PYGO1: variants seen among roughly 807,000 people sequenced by gnomAD.
PYGO1 encodes pygopus homolog 1.
PYGO1 carries 6 observed loss-of-function variants against 29.5 expected under a neutral mutation model. The observed-to-expected ratio is 0.20, with a 90% CI of 0.11 to 0.40. The LOEUF is 0.40. Ranked by LOEUF, PYGO1 falls within the 10% of genes least tolerant of loss-of-function variation. The pLI, the probability that PYGO1 is intolerant of heterozygous loss-of-function variation, is 1.00. For missense variants in PYGO1, 515 were observed against 514.9 expected, an observed-to-expected ratio of 1.00 and a Z score of 0.00; for synonymous variants, 186 against 180.5, an observed-to-expected ratio of 1.03 and a Z score of -0.24.
chr15:55,549,691 T>C (rs1192481684), intron 1 of PYGO1, among the ~76,000 whole-genome samples: 1 of 152,212 alleles, frequency 6.6e-6, no homozygotes, highest in Non-Finnish European at 1.5e-5. Flanking sequence ...CAACAATGTT[T>C]CCAAATATTG....
intron 1 of PYGO1, among the ~76,000 whole-genome samples, chr15:55,554,564 A>G (rs2058895379): frequency 6.6e-6 from 1 of 152,018 alleles, no homozygotes; most frequent in Admixed American, 6.6e-5. Flanking sequence ...GTCAGTAATA[A>G]TCAATTTCAC....
intron 1 of PYGO1, among the ~76,000 whole-genome samples, chr15:55,583,223 T>C (rs1023851705): frequency 2.6e-5 from 4 of 152,320 alleles, no homozygotes; most frequent in Non-Finnish European, 5.9e-5. Flanking sequence ...ACTGGAATGA[T>C]TGTATAGCAC....
At chr15:55,562,625 C>T (rs1053212926) in intron 1 of PYGO1, among the ~76,000 whole-genome samples, 4 of 151,438 alleles carry the variant, frequency 2.6e-5, no homozygotes, top group Non-Finnish European at 4.4e-5. Context: ...AAGCTGAGAT[C>T]ACGCCATTAC....
At chr15:55,587,778 G>C (rs1444283545) in intron 1 of PYGO1, 57 bp downstream of exon 1, 2 of 1,455,222 alleles carry the variant, frequency 1.4e-6, no homozygotes, top group Non-Finnish European at 1.8e-6. Context: ...GCCGGGCACG[G>C]GGCCCCGCGC....
intron 1 of PYGO1, among the ~76,000 whole-genome samples, chr15:55,552,605 G>T (rs543832244): frequency 6.6e-6 from 1 of 152,054 alleles, no homozygotes; most frequent in East Asian, 1.9e-4. Flanking sequence ...AGCAGTGAGT[G>T]ATTGTGTGAC....
At chr15:55,585,199 A>G (rs1567061588) in intron 1 of PYGO1, among the ~76,000 whole-genome samples, 1 of 152,202 alleles carries the variant, frequency 6.6e-6, no homozygotes, top group East Asian at 1.9e-4. Flanking sequence ...TTAAATTGCT[A>G]TATGTGTGTA....
chr15:55,576,836 C>A (rs992751466), intron 1 of PYGO1, among the ~76,000 whole-genome samples: 3 of 146,994 alleles, frequency 2.0e-5, no homozygotes, highest in African/African-American at 7.5e-5. Flanking sequence ...CTGTTGGATA[C>A]AACATCCATG....
chr15:55,576,164 T>C (rs992385127), intron 1 of PYGO1, among the ~76,000 whole-genome samples: 80 of 152,090 alleles, frequency 5.3e-4, no homozygotes, highest in Non-Finnish European at 9.4e-4. Context: ...CTTGTTAATT[T>C]AAAAAAGAGA....
At chr15:55,565,533 A>G (rs10083592) in intron 1 of PYGO1, among the ~76,000 whole-genome samples, 142,922 of 151,238 alleles carry the variant, frequency 0.95, 67,650 homozygotes, top group Admixed American at 0.97. Flanking sequence ...GTGAAACCCC[A>G]TCTCTACTAA....
intron 1 of PYGO1, among the ~76,000 whole-genome samples, chr15:55,567,235 G>C: frequency 2.3e-5 from 1 of 43,468 alleles, no homozygotes; most frequent in South Asian, 8.0e-4. Context: ...TTGAGACAGG[G>C]TCTGGCTCTA....
intron 1 of PYGO1, among the ~76,000 whole-genome samples, chr15:55,564,978 C>A (rs1356704452): frequency 6.6e-6 from 1 of 152,164 alleles, no homozygotes; most frequent in Non-Finnish European, 1.5e-5. Flanking sequence ...CTCCTAGAGA[C>A]CACCCACATT....
intron 1 of PYGO1, among the ~76,000 whole-genome samples, chr15:55,581,903 T>C (rs950020356): frequency 2.0e-5 from 3 of 152,022 alleles, no homozygotes; most frequent in African/African-American, 2.4e-5. Flanking sequence ...AAGAAGTCAA[T>C]GGGTTCAAAA....
chr15:55,570,712 T>TA (rs1400513288), intron 1 of PYGO1, among the ~76,000 whole-genome samples: 1 of 152,170 alleles, frequency 6.6e-6, no homozygotes, highest in Non-Finnish European at 1.5e-5. Context: ...TCCAGAATTT[T>TA]AAAAAATAAT....
Position 55,578,435 on chromosome 15 carries a change from A to G in PYGO1, c.49+9400T>C, listed in dbSNP as rs79827303. 3.7e-3 allele frequency among the ~76,000 whole-genome samples: 568 copies of G among 152,194 alleles called. 17 individuals carry two copies. In the East Asian group the frequency reaches 0.056, roughly 15 times the overall value. On this transcript the variant is annotated intron_variant, in intron 1 of 2. Coordinates refer to ENST00000563719, the MANE Select transcript of PYGO1 (RefSeq NM_001367806.1). Reference sequence around the variant, plus strand: ...ATGTTTAACTCTGAGAAACTGCCAAACTGTTTTCCACAGTGGCTACATCAT... The same window carrying G: ...ATGTTTAACTCTGAGAAACTGCCAAGCTGTTTTCCACAGTGGCTACATCAT...
At chr15:55,587,066 A>G (rs973657002) in intron 1 of PYGO1, among the ~76,000 whole-genome samples, 6 of 152,226 alleles carry the variant, frequency 3.9e-5, no homozygotes, top group Admixed American at 2.0e-4. Context: ...CCAACTCTAG[A>G]ACTTTCAGTC....
intron 1 of PYGO1, among the ~76,000 whole-genome samples, chr15:55,552,993 A>G (rs1423420641): frequency 6.6e-6 from 1 of 152,122 alleles, no homozygotes; most frequent in East Asian, 1.9e-4. Flanking sequence ...GCTGAGACAG[A>G]GCAAGTTCCT....
At chr15:55,575,097 C>T (rs1305163836) in intron 1 of PYGO1, among the ~76,000 whole-genome samples, 1 of 152,168 alleles carries the variant, frequency 6.6e-6, no homozygotes, top group Non-Finnish European at 1.5e-5. Context: ...AACTAACTTG[C>T]CCAAGGTCAC....
chr15:55,573,849 TAGAGA>T (rs2058990104), intron 1 of PYGO1, among the ~76,000 whole-genome samples: 1 of 152,214 alleles, frequency 6.6e-6, no homozygotes, highest in African/African-American at 2.4e-5. Flanking sequence ...TAAAGTAGGC[TAGAGA>T]AAAGATATAA....
chr15:55,565,185 C>T (rs1376234130), intron 1 of PYGO1, among the ~76,000 whole-genome samples: 5 of 151,996 alleles, frequency 3.3e-5, no homozygotes, highest in Non-Finnish European at 5.9e-5. Flanking sequence ...GAGGGATTAA[C>T]ATTCATGAAA....
Sources: allele counts gnomAD v4.1 joint callset (sites outside exome capture counted in the v4.1 genomes callset), GRCh38; gene constraint gnomAD v4.1.1; transcripts MANE v1.5; gene names NCBI Gene and HGNC (gene_info 2026-07-23, HGNC 2026-07-21).